The following EML4 variants were observed in gnomAD, a reference collection of about 807,000 sequenced individuals.
The protein encoded by EML4 is EMAP like 4, also known as echinoderm microtubule-associated protein-like 4.
In EML4, 72 loss-of-function variants were observed where a neutral mutation model predicts 129.0. The ratio of observed to expected loss-of-function variants is 0.56; its 90% CI spans 0.46 to 0.68. The LOEUF (loss-of-function observed/expected upper bound fraction) is 0.68. Ranked by LOEUF, EML4 falls within the 30% of genes least tolerant of loss-of-function variation. The pLI is 0.00. For synonymous variants in EML4, 532 were observed against 405.0 expected, an observed-to-expected ratio of 1.31 and a Z score of -3.77; for missense variants, 1,363 against 1,190.6, an observed-to-expected ratio of 1.14 and a Z score of -2.13.
In EML4 at chr2:42,313,214, C is replaced by T. The variant is rs575582550; in HGVS notation, c.1968-2748C>T. On this transcript the variant is annotated intron_variant, in intron 17 of 22. Coordinates refer to ENST00000318522, the MANE Select transcript of EML4 (RefSeq NM_019063.5). ...CTCGTGATCCGCCTGCCTCGGCCTCCCAAAGTGCTGGGATTACAGGCATGA... is the reference window on the plus strand; with the variant it reads ...CTCGTGATCCGCCTGCCTCGGCCTCTCAAAGTGCTGGGATTACAGGCATGA... Among the ~76,000 whole-genome samples the T allele has an allele frequency of 4.7e-5, 7 of 147,372 alleles. No homozygotes were observed. The South Asian group carries it at 1.3e-3, about 27-fold the overall frequency.
At chr2:42,171,157 T>G (rs913866095) in intron 1 of EML4, among the ~76,000 whole-genome samples, 10 of 152,344 alleles carry the variant, frequency 6.6e-5, no homozygotes, top group African/African-American at 2.2e-4. Flanking sequence ...TTTTCCCTGG[T>G]TCTTTTTTAG....
intron 3 of EML4, among the ~76,000 whole-genome samples, chr2:42,258,761 C>G (rs1665519851): frequency 6.6e-6 from 1 of 152,008 alleles, no homozygotes; most frequent in Non-Finnish European, 1.5e-5. Context: ...TAGTCAAGGG[C>G]CAGTCTGAAG....
intron 13 of EML4, among the ~76,000 whole-genome samples, chr2:42,299,306 T>G (rs1362154002): frequency 6.6e-6 from 1 of 152,180 alleles, no homozygotes; most frequent in Non-Finnish European, 1.5e-5. Context: ...CTTAGAAATT[T>G]TAGTCAATTT....
At chr2:42,266,165 A>G (rs963271253) in intron 6 of EML4, among the ~76,000 whole-genome samples, 7 of 152,220 alleles carry the variant, frequency 4.6e-5, no homozygotes, top group African/African-American at 1.7e-4. Flanking sequence ...AAATATTTGT[A>G]ATAGTCTTTA....
chr2:42,318,101 A>G (rs1263953889), intron 19 of EML4, among the ~76,000 whole-genome samples: 1 of 152,220 alleles, frequency 6.6e-6, no homozygotes, highest in Non-Finnish European at 1.5e-5. Context: ...TAGCAAACAA[A>G]ATGGCTTAGG....
At chr2:42,186,775 T>G (rs1395462719) in intron 1 of EML4, among the ~76,000 whole-genome samples, 1 of 152,172 alleles carries the variant, frequency 6.6e-6, no homozygotes, top group African/African-American at 2.4e-5. Context: ...CAGAGTAGTT[T>G]TCAGACTTCA....
At chr2:42,249,951 G>A (rs567721226) in intron 2 of EML4, among the ~76,000 whole-genome samples, 2 of 152,256 alleles carry the variant, frequency 1.3e-5, no homozygotes, top group South Asian at 4.1e-4. Context: ...CTGTACTTCG[G>A]AGCAAAAGGG....
rs11421705 is a variant in EML4, at chr2:42,200,153, CAA to C, written c.25+30538_25+30539del. 4.8e-3 allele frequency among the ~76,000 whole-genome samples: 405 copies of C among 84,436 alleles called. 2 individuals carry two copies. Among genetic ancestry groups the C allele is most frequent in the African/African-American group, 0.014 (334 of 24,320 alleles). The allele number at this position is 84,436 out of a possible 152,430, so 55.4% of individuals were successfully genotyped here. On this transcript the variant is annotated intron_variant, in intron 1 of 22. Coordinates refer to ENST00000318522, the MANE Select transcript of EML4 (RefSeq NM_019063.5). ...TGAAACCCCATCTCTACTAAAAATA[CAA>C]AAAAAAAAAAAAAAAAAAAATTAGC...
At chr2:42,278,160 G>A (rs1003479161) in intron 6 of EML4, among the ~76,000 whole-genome samples, 2 of 152,108 alleles carry the variant, frequency 1.3e-5, no homozygotes. Context: ...AGCTCCTTTT[G>A]TAACCATTTC....
chr2:42,176,993 A>G (rs538922770), intron 1 of EML4, among the ~76,000 whole-genome samples: 2 of 152,174 alleles, frequency 1.3e-5, no homozygotes, highest in South Asian at 4.2e-4. Context: ...GGGTTTCACC[A>G]TGTTGGCCAG....
Position 42,330,348 on chromosome 2 carries a change from T to A in EML4, c.*141T>A. ...TGTGATTTGTTTTCTTCAATAGTCT[T>A]ATTTTCAGTCTCTCAAATACAGCCA... On this transcript the variant is annotated 3_prime_UTR_variant, in exon 23 of 23. Coordinates refer to ENST00000318522, the MANE Select transcript of EML4 (RefSeq NM_019063.5). The A allele has an allele frequency of 3.9e-6, 3 of 776,886 alleles. No individual in the cohort carries two copies. The highest frequency in any genetic ancestry group is 4.4e-6 in the Non-Finnish European group (2 of 453,464). 48.1% of individuals were successfully genotyped at this position (776,886 alleles called of 1,614,324 possible).
chr2:42,311,246 T>C lies in EML4; in HGVS notation c.1968-4716T>C, dbSNP rs528773078. Among the ~76,000 whole-genome samples the C allele has an allele frequency of 9.2e-5, 14 of 152,308 alleles. 1 individual carries two copies. In the South Asian group the frequency reaches 2.9e-3, roughly 32 times the overall value. On this transcript the variant is annotated intron_variant, in intron 17 of 22. Coordinates refer to ENST00000318522, the MANE Select transcript of EML4 (RefSeq NM_019063.5). ...AGATTAAACTGACTTTGAAACAGTC[T>C]TAAAACAGCATTAGTTAGGGCTTCT... is the stretch of plus-strand genomic sequence containing the variant.
At position 42,304,489 on chromosome 2, in the gene EML4, A is replaced by T. The variant is rs1399177405; in HGVS notation, c.1905A>T (p.Pro635=). ...GCTGTCTGTCTCTTTTCTAGGAACC[A>T]GGACACTGTGCAGATTTTCATCCAA... The part of the protein sequence containing the change: ...RLEWTRLVDE[P]GHCADFHPSG... The change falls in exon 17 of 23, where the codon CCA becomes CCT. Residue 635 remains proline (P), a synonymous_variant. Transcript: ENST00000318522. The T allele has an allele frequency of 1.9e-6, 3 of 1,613,912 alleles. No homozygotes were observed. Among genetic ancestry groups the T allele is most frequent in the Non-Finnish European group, 1.7e-6 (2 of 1,179,894 alleles).
rs911230698 is a variant in EML4 at position 42,327,891 on chromosome 2, T to C, written c.2342-995T>C. Among the ~76,000 whole-genome samples, 2 of 152,358 alleles carry C rather than the reference T, an allele frequency of 1.3e-5. 1 individual carries two copies. The highest frequency in any genetic ancestry group is 4.1e-4 in the South Asian group (2 of 4,830). ...AAAATTGGGTTCTCCAGCCTGATCA[T>C]AGATCTGAACATTTCTTTATGCTAT... On this transcript the variant is annotated intron_variant, in intron 21 of 22. Transcript: ENST00000318522.
intron 1 of EML4, among the ~76,000 whole-genome samples, chr2:42,213,668 T>C (rs1486529648): frequency 6.6e-6 from 1 of 152,230 alleles, no homozygotes; most frequent in East Asian, 1.9e-4. Context: ...ATATGAATCT[T>C]TCCTTGCTTC....
intron 6 of EML4, among the ~76,000 whole-genome samples, chr2:42,272,010 G>A (rs1297069771): frequency 6.7e-6 from 1 of 150,192 alleles, no homozygotes; most frequent in African/African-American, 2.5e-5. Context: ...AGCTGAGGCA[G>A]GAGAATCGCT....
intron 6 of EML4, among the ~76,000 whole-genome samples, chr2:42,269,639 G>A (rs1212319967): frequency 6.6e-6 from 1 of 152,144 alleles, no homozygotes; most frequent in Non-Finnish European, 1.5e-5. Flanking sequence ...TGAAGGAAGT[G>A]AATGAAATAT....
intron 11 of EML4, among the ~76,000 whole-genome samples, chr2:42,292,292 G>A (rs1159173849): frequency 2.0e-5 from 3 of 152,094 alleles, no homozygotes; most frequent in Admixed American, 6.6e-5. Flanking sequence ...TGTTCATCTC[G>A]GCAGAAATAT....
At chr2:42,311,970 A>G (rs999479024) in intron 17 of EML4, among the ~76,000 whole-genome samples, 4 of 152,172 alleles carry the variant, frequency 2.6e-5, no homozygotes, top group African/African-American at 9.7e-5. Flanking sequence ...TCGGCCTCCC[A>G]AAGTGCTAGG....
Sources: allele counts gnomAD v4.1 joint callset (sites outside exome capture counted in the v4.1 genomes callset), GRCh38; gene constraint gnomAD v4.1.1; transcripts MANE v1.5; gene names NCBI Gene and HGNC (gene_info 2026-07-23, HGNC 2026-07-21).